The following BTG4 variants were observed in gnomAD, a reference collection of about 807,000 sequenced individuals.
BTG4 encodes BTG anti-proliferation factor 4.
In BTG4, 10 loss-of-function variants were observed where a neutral mutation model predicts 19.3. The observed-to-expected ratio is 0.52, with a 90% CI of 0.32 to 0.88. The LOEUF (loss-of-function observed/expected upper bound fraction) is 0.88. BTG4 is among the 40% of genes least tolerant of loss of function. The probability of loss-of-function intolerance (pLI) is 0.04; values close to 1 mark genes in which losing one functional copy is unlikely to be tolerated. For missense variants in BTG4, 238 were observed against 281.9 expected (o/e 0.84, Z 1.11); for synonymous variants, 91 against 95.7 (o/e 0.95, Z 0.29).
At chr11:111,508,429 G>A (rs1866616569) in intron 1 of BTG4, among the ~76,000 whole-genome samples, 1 of 151,842 alleles carries the variant, frequency 6.6e-6, no homozygotes, top group South Asian at 2.1e-4. Context: ...GATCATGGAG[G>A]ACTTTAAATG....
chr11:111,484,354 C>T (rs1427205408), intron 5 of BTG4, among the ~76,000 whole-genome samples: 1 of 152,146 alleles, frequency 6.6e-6, no homozygotes, highest in African/African-American at 2.4e-5. Flanking sequence ...GTTGCACTAA[C>T]AGTGTCATAT....
At chr11:111,490,260 C>A (rs1383366953), downstream of BTG4, among the ~76,000 whole-genome samples, 1 of 148,422 alleles carries the variant, frequency 6.7e-6, no homozygotes, top group Non-Finnish European at 1.5e-5. Flanking sequence ...GCAACGAGAG[C>A]AAAACTCCAT....
intron 5 of BTG4, among the ~76,000 whole-genome samples, chr11:111,480,459 T>A (rs1944117): frequency 6.6e-6 from 1 of 151,762 alleles, no homozygotes; most frequent in African/African-American, 2.4e-5. Context: ...CAATCAACAT[T>A]ATCTAATTAA....
intron 5 of BTG4, among the ~76,000 whole-genome samples, chr11:111,487,999 G>A (rs954110097): frequency 6.6e-6 from 1 of 152,096 alleles, no homozygotes; most frequent in South Asian, 2.1e-4. Flanking sequence ...TGGACTGGAA[G>A]AATCAATAGT....
the BTG4 span, among the ~76,000 whole-genome samples, chr11:111,422,451 C>T: frequency 6.6e-6 from 1 of 152,174 alleles, no homozygotes; most frequent in African/African-American, 2.4e-5. Context: ...CAGTGCTCAC[C>T]CCACCCTGCC....
At chr11:111,400,006 G>T in the BTG4 span, among the ~76,000 whole-genome samples, 2 of 152,176 alleles carry the variant, frequency 1.3e-5, no homozygotes, top group Non-Finnish European at 2.9e-5. Context: ...GGAGAAAGCC[G>T]GGATGGGTGA....
chr11:111,453,165 A>C, the BTG4 span, among the ~76,000 whole-genome samples: 4 of 152,200 alleles, frequency 2.6e-5, no homozygotes, highest in Non-Finnish European at 5.9e-5. Context: ...GCAAGGGATA[A>C]GAACTTTCAG....
chr11:111,424,054 G>T, the BTG4 span, among the ~76,000 whole-genome samples: 2 of 152,154 alleles, frequency 1.3e-5, no homozygotes, highest in Non-Finnish European at 2.9e-5. Context: ...TAGGTGAAGG[G>T]AAATGAGCAC....
intron 5 of BTG4, among the ~76,000 whole-genome samples, chr11:111,476,185 C>T (rs552177285): frequency 1.2e-4 from 18 of 146,822 alleles, no homozygotes; most frequent in African/African-American, 4.3e-4. Flanking sequence ...AACAAGTCTC[C>T]TAAGCAATGC....
the BTG4 span, chr11:111,462,359 G>A: frequency 0.34 from 52,355 of 152,432 alleles, 10,545 homozygotes; most frequent in South Asian, 0.59. Context: ...GAGTCCCGCT[G>A]CCTGCAGGAG....
chr11:111,404,471 C>T, the BTG4 span: 1 of 386,744 alleles, frequency 2.6e-6, no homozygotes, highest in Non-Finnish European at 5.1e-6. Context: ...GGTTAGGAAG[C>T]ATTTTCTAGG....
At chr11:111,483,097 C>G (rs1864842538) in intron 5 of BTG4, among the ~76,000 whole-genome samples, 1 of 152,034 alleles carries the variant, frequency 6.6e-6, no homozygotes. Context: ...TCGCAAGAAC[C>G]AAAATAACCC....
At chr11:111,452,826 G>A in the BTG4 span, among the ~76,000 whole-genome samples, 4 of 152,304 alleles carry the variant, frequency 2.6e-5, no homozygotes, top group African/African-American at 7.2e-5. Context: ...AGAGGGTGGA[G>A]GTCAGGACAG....
At chr11:111,386,653 AC>A in the BTG4 span, among the ~76,000 whole-genome samples, 22 of 152,202 alleles carry the variant, frequency 1.4e-4, no homozygotes, top group Admixed American at 3.9e-4. Context: ...AAGGTTAAGA[AC>A]CACTGTTTAT....
chr11:111,441,388 A>G, the BTG4 span, among the ~76,000 whole-genome samples: 2 of 151,906 alleles, frequency 1.3e-5, no homozygotes, highest in African/African-American at 4.8e-5. Flanking sequence ...CCTCCGAGAG[A>G]GAGATGGCTC....
At chr11:111,399,140 C>G in the BTG4 span, 1 of 152,326 alleles carries the variant, frequency 6.6e-6, no homozygotes, top group South Asian at 2.1e-4. Flanking sequence ...CTGTGGAAGC[C>G]CCATGCAGGA....
chr11:111,473,269 A>C (rs1331630573), intron 5 of BTG4: 1 of 152,616 alleles, frequency 6.6e-6, no homozygotes, highest in Non-Finnish European at 1.5e-5. Context: ...TGGTAACAAG[A>C]GTATTAACTC....
At chr11:111,430,686 A>C in the BTG4 span, among the ~76,000 whole-genome samples, 1 of 152,234 alleles carries the variant, frequency 6.6e-6, no homozygotes, top group East Asian at 1.9e-4. Context: ...TGTGTCAAAC[A>C]ATTGTTAGCA....
At chr11:111,491,901 T>A (rs1228574336), downstream of BTG4, among the ~76,000 whole-genome samples, 2 of 151,990 alleles carry the variant, frequency 1.3e-5, no homozygotes, top group African/African-American at 2.4e-5. Context: ...TCAAGTATAT[T>A]GACTACTTTT....
Sources: allele counts gnomAD v4.1 joint callset (sites outside exome capture counted in the v4.1 genomes callset), GRCh38; gene constraint gnomAD v4.1.1; transcripts MANE v1.5; gene names NCBI Gene and HGNC (gene_info 2026-07-23, HGNC 2026-07-21).